ASAP3: variants seen among roughly 807,000 people sequenced by gnomAD.
The protein encoded by ASAP3 is arf-GAP with SH3 domain, ANK repeat and PH domain-containing protein 3.
ASAP3 carries 85 observed loss-of-function variants against 118.2 expected under a neutral mutation model. The observed-to-expected ratio is 0.72, with a 90% CI of 0.60 to 0.86. The LOEUF (loss-of-function observed/expected upper bound fraction) is 0.86. Among genes scored for constraint, ASAP3 ranks in the 40% least tolerant of loss-of-function variants. The pLI is 0.00. For synonymous variants in ASAP3, 432 were observed against 477.4 expected (o/e 0.90, Z 1.24); for missense variants, 1,026 against 1,175.0 (o/e 0.87, Z 1.85).
At chr1:23,451,606 G>A in intron 4 of ASAP3, 78 bp from the exon 5 acceptor site, 2 of 1,495,304 alleles carry the variant, frequency 1.3e-6, no homozygotes, top group Non-Finnish European at 1.9e-6. Context: ...CTGCCTGTAG[G>A]AGGACCTGCT....
chr1:23,436,917 C>G lies in ASAP3; in HGVS notation c.1470G>C (p.Glu490Asp), dbSNP rs1194418704. The G allele has an allele frequency of 6.2e-7, 1 of 1,611,570 alleles. No homozygotes were observed. Among genetic ancestry groups the G allele is most frequent in the South Asian group, 1.1e-5 (1 of 90,998 alleles). The change falls in exon 15 of 25, where the codon GAG (glutamate) becomes GAC (aspartate). Residue 490 changes from glutamate to aspartate, a missense_variant. Glu to Asp is a conservative substitution (Grantham distance 45). Coordinates refer to ENST00000336689, the MANE Select transcript of ASAP3 (RefSeq NM_017707.4). This position sits in a 1 kb window ranked among gnomAD's most constrained non-coding sequence, Gnocchi z 4.2. Reference sequence around the variant, plus strand: ...GGCCCCGCCCCGCCCTCACCAACAACTCGGAGGGGCCCAGCAGGTCCAAGG... The same window carrying G: ...GGCCCCGCCCCGCCCTCACCAACAAGTCGGAGGGGCCCAGCAGGTCCAAGG... ...SLTLDLLGPS[E>D]LLLALNMGNT...
In ASAP3 at chr1:23,453,132, T is replaced by A. The variant is rs1030438771; in HGVS notation, c.349-361A>T. Among the ~76,000 whole-genome samples the A allele has an allele frequency of 7.9e-5, 12 of 152,242 alleles. No individual in the cohort carries two copies. In the East Asian group the frequency reaches 2.3e-3, roughly 29 times the overall value. On this transcript the variant is annotated intron_variant, in intron 3 of 24. Transcript: ENST00000336689. Reference sequence around the variant, plus strand: ...GCACTGCTCCAGCAGCATCCCACAGTCAATCTCTCCCCTGTTCCTCGCCAG... The same window carrying A: ...GCACTGCTCCAGCAGCATCCCACAGACAATCTCTCCCCTGTTCCTCGCCAG...
chr1:23,460,671 T>C (rs957694546), intron 1 of ASAP3, among the ~76,000 whole-genome samples: 6 of 152,208 alleles, frequency 3.9e-5, no homozygotes, highest in African/African-American at 1.2e-4. Flanking sequence ...TTTGACAGTT[T>C]CTTAACTAAA....
intron 2 of ASAP3, 23 bp from the exon 3 acceptor site, chr1:23,456,049 T>C (rs1017977393): frequency 9.3e-6 from 15 of 1,613,988 alleles, no homozygotes; most frequent in South Asian, 7.7e-5. Context: ...AGACGGGAGC[T>C]TGGAGTTAGC....
chr1:23,482,284 G>T (rs930851107), intron 1 of ASAP3, among the ~76,000 whole-genome samples: 2 of 152,238 alleles, frequency 1.3e-5, no homozygotes, highest in Non-Finnish European at 1.5e-5. Context: ...TACTTTGAGA[G>T]GCCAAGGCGG....
chr1:23,455,449 A>G (rs1641351295), intron 3 of ASAP3, among the ~76,000 whole-genome samples: 1 of 152,162 alleles, frequency 6.6e-6, no homozygotes, highest in Admixed American at 6.5e-5. Context: ...TTAAGTACGA[A>G]GCAGATGTGG....
At chr1:23,459,412 G>A (rs1226001824) in intron 1 of ASAP3, among the ~76,000 whole-genome samples, 2 of 152,048 alleles carry the variant, frequency 1.3e-5, no homozygotes, top group African/African-American at 4.8e-5. Flanking sequence ...CCCTTCCTCT[G>A]GAGGTGGGCC....
In ASAP3 at chr1:23,441,686, A is replaced by T. The variant is rs1221949022; in HGVS notation, c.716T>A (p.Phe239Tyr). 4 of 1,614,198 alleles carry T rather than the reference A, an allele frequency of 2.5e-6. No homozygotes were observed. The South Asian group carries it at 4.4e-5, about 18-fold the overall frequency. Residue 239 changes from phenylalanine to tyrosine, a missense_variant, in exon 8 of 25, where the codon TTC (phenylalanine) becomes TAC (tyrosine). Transcript: ENST00000336689. ...GWKAAQSLFP[F>Y]IEKLAASVHA... ...TACTGAGGCCGCCAGCTTCTCGATGAAGGGGAACAGGCTCTGGGCAGCCTT... is the reference window on the plus strand; with the variant it reads ...TACTGAGGCCGCCAGCTTCTCGATGTAGGGGAACAGGCTCTGGGCAGCCTT...
At chr1:23,435,705 G>A (rs1640624373) in intron 17 of ASAP3, 146 bp downstream of exon 17, 6 of 947,720 alleles carry the variant, frequency 6.3e-6, no homozygotes, top group Non-Finnish European at 1.0e-5. Flanking sequence ...GACTGAAGCT[G>A]TGCTCTTTCC....
rs143888534 is a variant in ASAP3 at position 23,442,511 on chromosome 1, T to G, written c.575A>C (p.His192Pro). The G allele has an allele frequency of 2.7e-4, 435 of 1,613,700 alleles. No individual in the cohort carries two copies. Among genetic ancestry groups the G allele is most frequent in the Non-Finnish European group, 3.5e-4 (410 of 1,179,880 alleles). Residue 192 changes from histidine to proline, a missense_variant, in exon 6 of 25, where the codon CAC becomes CCC. By Grantham distance (77) the His-to-Pro change is moderately conservative. Transcript: ENST00000336689. ...MQRERRIFQLHMCEYLLKAGE... is the reference protein window; with the variant it reads ...MQRERRIFQLPMCEYLLKAGE... ...CAGAGCACCCCTTACCTCACACATG[T>G]GCAGCTGGAAGATGCGCCGCTCTCT...
rs1372254095 is a variant in ASAP3 at position 23,434,285 on chromosome 1, C to G, written c.1920G>C (p.Leu640=). ...ALYNQPDCLK[L]LLKGRALVGT... Reference sequence around the variant, plus strand: ...CAACCAAAGCTCTCCCCTTCAGCAGCAGCTTGAGGCAGTCGGGCTGGTTGT... The same window carrying G: ...CAACCAAAGCTCTCCCCTTCAGCAGGAGCTTGAGGCAGTCGGGCTGGTTGT... The change falls in exon 19 of 25, where the codon CTG becomes CTC. Residue 640 remains leucine, a synonymous_variant. Coordinates refer to ENST00000336689, the MANE Select transcript of ASAP3 (RefSeq NM_017707.4). The G allele has an allele frequency of 6.2e-7, 1 of 1,614,078 alleles. No homozygotes were observed. Among genetic ancestry groups the G allele is most frequent in the Non-Finnish European group, 8.5e-7 (1 of 1,180,056 alleles).
intron 17 of ASAP3, 90 bp from the exon 18 acceptor site, chr1:23,434,708 A>C: frequency 1.6e-6 from 2 of 1,255,868 alleles, no homozygotes; most frequent in Non-Finnish European, 2.3e-6. Context: ...CTAACCCCTT[A>C]TCCCCCCATA....
At chr1:23,452,648 C>T in intron 4 of ASAP3, 49 bp downstream of exon 4, 1 of 1,584,704 alleles carries the variant, frequency 6.3e-7, no homozygotes, top group African/African-American at 1.3e-5. Flanking sequence ...GTCTCCTGCC[C>T]ACCCCTCTTT....
At chr1:23,431,155 C>T (rs746059533) in intron 23 of ASAP3, 30 bp from the exon 24 acceptor site, 3 of 1,557,118 alleles carry the variant, frequency 1.9e-6, no homozygotes, top group Non-Finnish European at 1.7e-6. Context: ...CAACATGACC[C>T]TCATGTCCAG....
chr1:23,484,074 G>GGAGC lies in ASAP3; in HGVS notation c.56_59dup (p.Pro21LeufsTer45). 1 of 1,350,498 alleles carries GGAGC rather than the reference G, an allele frequency of 7.4e-7. No homozygotes were observed. Among genetic ancestry groups the GGAGC allele is most frequent in the Non-Finnish European group, 9.5e-7 (1 of 1,052,682 alleles). The allele number at this position is 1,350,498 out of a possible 1,614,324, so 83.7% of individuals were successfully genotyped here. A position where few individuals can be genotyped will look rare whatever the true frequency, so the allele number is the denominator to read the frequency against. On this transcript the variant is annotated frameshift_variant, in exon 1 of 25. Coordinates refer to ENST00000336689, the MANE Select transcript of ASAP3 (RefSeq NM_017707.4). LOFTEE classifies it high-confidence loss of function. The stretch of plus-strand genomic sequence containing the variant: ...CGGCGAAGGCGGCGGCCCCAGCCGG[G>GGAGC]GAGCTGAGGTCCTCCGCGGTGACGG...
At chr1:23,453,363 G>A (rs1275080444) in intron 3 of ASAP3, among the ~76,000 whole-genome samples, 2 of 152,144 alleles carry the variant, frequency 1.3e-5, no homozygotes, top group Non-Finnish European at 2.9e-5. Flanking sequence ...TAGAGGGACT[G>A]GATAGGGAAC....
chr1:23,463,027 T>TA (rs1641647720), intron 1 of ASAP3, among the ~76,000 whole-genome samples: 2 of 152,148 alleles, frequency 1.3e-5, no homozygotes, highest in South Asian at 4.2e-4. Flanking sequence ...GAATGCTTGG[T>TA]AAAAAATGGT....
intron 1 of ASAP3, among the ~76,000 whole-genome samples, chr1:23,483,211 A>G (rs1642367209): frequency 6.6e-6 from 1 of 152,216 alleles, no homozygotes; most frequent in African/African-American, 2.4e-5. Context: ...CCAAAATGCC[A>G]CCCAAATTGA....
intron 1 of ASAP3, among the ~76,000 whole-genome samples, chr1:23,482,420 G>C (rs1363668267): frequency 6.6e-6 from 1 of 152,158 alleles, no homozygotes; most frequent in Non-Finnish European, 1.5e-5. Context: ...TGCTTGGGAG[G>C]CTGAGGAATG....
Sources: allele counts gnomAD v4.1 joint callset (sites outside exome capture counted in the v4.1 genomes callset), GRCh38; gene constraint gnomAD v4.1.1; non-coding constraint Gnocchi (gnomAD v3.1); transcripts MANE v1.5; gene names NCBI Gene and HGNC (gene_info 2026-07-23, HGNC 2026-07-21).